DNAJB1: variants seen among roughly 807,000 people sequenced by gnomAD.
The protein encoded by DNAJB1 is dnaJ homolog subfamily B member 1.
In DNAJB1, 14 loss-of-function variants were observed where a neutral mutation model predicts 24.0. The observed-to-expected ratio is 0.58, with a 90% confidence interval of 0.39 to 0.91. DNAJB1 has a LOEUF of 0.91. Among genes scored for constraint, DNAJB1 ranks in the 40% least tolerant of loss-of-function variants. The pLI is 0.00. For synonymous variants in DNAJB1, 262 were observed against 174.4 expected, an observed-to-expected ratio of 1.50 and a Z score of -3.96; for missense variants, 517 against 458.1, an observed-to-expected ratio of 1.13 and a Z score of -1.17.
chr19:14,548,930 G>A (rs1014859483), intron 1 of DNAJB1, among the ~76,000 whole-genome samples: 3 of 152,092 alleles, frequency 2.0e-5, no homozygotes, highest in Non-Finnish European at 4.4e-5. Flanking sequence ...ATGACATCCA[G>A]TGAGCATGGC....
upstream of DNAJB1, chr19:14,529,500 G>A (rs956376335): frequency 2.7e-6 from 2 of 729,996 alleles, no homozygotes; most frequent in Admixed American, 2.0e-5. Context: ...GTTCGGACCG[G>A]CCCCAAGGAG....
chr19:14,536,240 G>C (rs533319410), intron 1 of DNAJB1, among the ~76,000 whole-genome samples: 1 of 151,694 alleles, frequency 6.6e-6, no homozygotes, highest in African/African-American at 2.4e-5. Flanking sequence ...TGGAGCCCAC[G>C]GGCAAGGTCT....
intron 1 of DNAJB1, among the ~76,000 whole-genome samples, chr19:14,558,720 C>G (rs1380116289): frequency 6.6e-6 from 1 of 152,198 alleles, no homozygotes; most frequent in African/African-American, 2.4e-5. Flanking sequence ...AGTAGCCCCC[C>G]TCCCACAGGT....
At chr19:14,552,596 C>A (rs968303937), upstream of DNAJB1, among the ~76,000 whole-genome samples, 14 of 151,742 alleles carry the variant, frequency 9.2e-5, no homozygotes, top group Non-Finnish European at 1.3e-4. Context: ...TGCAGTGGCG[C>A]AATCTCTGGC....
chr19:14,526,333 A>G (rs1457536470), intron 2 of DNAJB1, among the ~76,000 whole-genome samples: 1 of 152,218 alleles, frequency 6.6e-6, no homozygotes, highest in Non-Finnish European at 1.5e-5. Flanking sequence ...AGGCACTGTC[A>G]GGGGGCCACA....
intron 1 of DNAJB1, among the ~76,000 whole-genome samples, chr19:14,545,428 C>T (rs2073271526): frequency 6.6e-6 from 1 of 152,224 alleles, no homozygotes; most frequent in African/African-American, 2.4e-5. Context: ...GTCTCCTCTC[C>T]ACAGCTCCTG....
rs768218111 is a variant in DNAJB1 at position 14,516,594 on chromosome 19, T to C, written c.664A>G (p.Lys222Glu). The C allele has an allele frequency of 2.0e-5, 32 of 1,614,210 alleles. No homozygotes were observed. The South Asian group carries it at 3.4e-4, about 17-fold the overall frequency. The change falls in exon 2 of 3, where the codon AAG becomes GAG. Residue 222 changes from lysine (K) to glutamate (E), a missense_variant. Transcript: ENST00000254322. The stretch of plus-strand genomic sequence containing the variant: ...TTGTTGGAGGTCTGGTCTCCTTCCT[T>C]GGGGAAAGTGATTTTGGTTCCTTCT... ...WKEGTKITFPKEGDQTSNNIP... is the reference protein window; with the variant it reads ...WKEGTKITFPEEGDQTSNNIP...
upstream of DNAJB1, among the ~76,000 whole-genome samples, chr19:14,552,179 T>C (rs1038486684): frequency 4.0e-5 from 6 of 148,944 alleles, no homozygotes; most frequent in Admixed American, 3.4e-4. Context: ...TTTCTTTTTT[T>C]TTTTTTTTGA....
chr19:14,519,048 C>T (rs571319365), upstream of DNAJB1, among the ~76,000 whole-genome samples: 6 of 152,320 alleles, frequency 3.9e-5, no homozygotes, highest in East Asian at 9.7e-4. Context: ...GCCTAGGCAA[C>T]ATAAGGAGAC....
intron 1 of DNAJB1, among the ~76,000 whole-genome samples, chr19:14,558,647 C>T (rs1025868603): frequency 2.6e-5 from 4 of 152,190 alleles, no homozygotes; most frequent in African/African-American, 7.2e-5. Flanking sequence ...CCCTGCCCGT[C>T]GTGCCTGAGG....
upstream of DNAJB1, among the ~76,000 whole-genome samples, chr19:14,551,926 CCT>C (rs1451764754): frequency 2.6e-5 from 3 of 116,852 alleles, no homozygotes; most frequent in African/African-American, 6.4e-5. Context: ...TCCCTCCCTC[CCT>C]CTCTCTCTCC....
chr19:14,518,218 C>G lies in DNAJB1; in HGVS notation c.132G>C (p.Lys44Asn). The change falls in exon 1 of 3, where the codon AAG (lysine) becomes AAC (asparagine). Residue 44 changes from lysine to asparagine, a missense_variant. Physicochemically the swap from Lys to Asn is moderately conservative, Grantham distance 94. Coordinates refer to ENST00000254322, the MANE Select transcript of DNAJB1 (RefSeq NM_006145.3). ...CGTAGGCCTCAGCGATCTCCTTGAACTTCTCCTCGGCGCCGGGCTCCTTGT... is the reference window on the plus strand; with the variant it reads ...CGTAGGCCTCAGCGATCTCCTTGAAGTTCTCCTCGGCGCCGGGCTCCTTGT... ...DKNKEPGAEE[K>N]FKEIAEAYDV... 6.2e-7 allele frequency: 1 copy of G among 1,610,336 alleles called. No individual in the cohort carries two copies.
At chr19:14,529,565 C>T (rs1268086165), upstream of DNAJB1, 1 of 1,420,096 alleles carries the variant, frequency 7.0e-7, no homozygotes, top group African/African-American at 1.4e-5. Flanking sequence ...CGCGCGCGGC[C>T]TGGAGGGGCG....
At chr19:14,541,453 C>T (rs1599432282) in intron 1 of DNAJB1, among the ~76,000 whole-genome samples, 2 of 152,376 alleles carry the variant, frequency 1.3e-5, no homozygotes, top group African/African-American at 4.8e-5. Flanking sequence ...TGGTCCAGGC[C>T]TTTTCCCGTC....
At chr19:14,536,193 T>C (rs1306464390) in intron 1 of DNAJB1, among the ~76,000 whole-genome samples, 2 of 151,894 alleles carry the variant, frequency 1.3e-5, no homozygotes. Context: ...TTTGGATCAG[T>C]GCTAGGCTCA....
upstream of DNAJB1, chr19:14,518,419 C>T: frequency 7.8e-7 from 1 of 1,281,076 alleles, no homozygotes; most frequent in South Asian, 1.9e-5. Context: ...GTCCCGGACT[C>T]TATATACCCG....
At chr19:14,520,435 G>T (rs116306498), upstream of DNAJB1, among the ~76,000 whole-genome samples, 1 of 151,078 alleles carries the variant, frequency 6.6e-6, no homozygotes, top group African/African-American at 2.4e-5. Context: ...GAGACCCTCA[G>T]CCTCCCCATA....
upstream of DNAJB1, chr19:14,532,148 G>A (rs910507647): frequency 2.0e-5 from 3 of 152,170 alleles, no homozygotes; most frequent in African/African-American, 7.2e-5. Context: ...GAGCACCCTG[G>A]GGGTGCGTGC....
At chr19:14,539,894 T>C (rs1028757531) in intron 1 of DNAJB1, among the ~76,000 whole-genome samples, 3 of 150,334 alleles carry the variant, frequency 2.0e-5, no homozygotes, top group African/African-American at 4.9e-5. Context: ...TTTTTTTTTT[T>C]TCTGAGACGG....
Sources: allele counts gnomAD v4.1 joint callset (sites outside exome capture counted in the v4.1 genomes callset), GRCh38; gene constraint gnomAD v4.1.1; transcripts MANE v1.5; gene names NCBI Gene and HGNC (gene_info 2026-07-23, HGNC 2026-07-21).